The following ABCB9 variants were observed in gnomAD, a reference collection of about 807,000 sequenced individuals.
ABCB9 encodes ABC-type oligopeptide transporter ABCB9.
ABCB9 carries 36 observed loss-of-function variants against 62.0 expected under a neutral mutation model. That is an observed-to-expected ratio of 0.58 (90% CI 0.45 to 0.77). The LOEUF is 0.77. ABCB9 is among the 30% of genes least tolerant of loss of function. The probability of loss-of-function intolerance (pLI) is 0.00; values close to 1 mark genes in which losing one functional copy is unlikely to be tolerated. For synonymous variants in ABCB9, 435 were observed against 461.4 expected, an observed-to-expected ratio of 0.94 and a Z score of 0.73; for missense variants, 943 against 1,054.7, an observed-to-expected ratio of 0.89 and a Z score of 1.47.
At position 122,959,407 on chromosome 12, in the gene ABCB9, C is replaced by T. The variant is rs2036771521; in HGVS notation, c.601+228G>A. ...AATAAATAAAATAGAAATGGGTTCT[C>T]GCTATGTTGCCCAGGCTGGTTTTCA... is the stretch of plus-strand genomic sequence containing the variant. On this transcript the variant is annotated intron_variant, in intron 2 of 11. Coordinates refer to ENST00000280560, the MANE Select transcript of ABCB9 (RefSeq NM_019625.4). This position sits in a 1 kb window ranked among gnomAD's most constrained non-coding sequence, Gnocchi z 5.4. Among the ~76,000 whole-genome samples, 1 of 151,514 alleles carries T rather than the reference C, an allele frequency of 6.6e-6. No individual in the cohort carries two copies. The highest frequency in any genetic ancestry group is 1.5e-5 in the Non-Finnish European group (1 of 67,852).
chr12:122,967,260 AAAAT>A (rs1014460739), upstream of ABCB9, among the ~76,000 whole-genome samples: 17 of 152,324 alleles, frequency 1.1e-4, no homozygotes, highest in African/African-American at 4.1e-4. Context: ...TGGATGCAGT[AAAAT>A]AAATAAAATT....
At chr12:122,943,285 TCTCACTTTCCA>T (rs2035862792) in intron 7 of ABCB9, among the ~76,000 whole-genome samples, 1 of 152,146 alleles carries the variant, frequency 6.6e-6, no homozygotes, top group Non-Finnish European at 1.5e-5. Context: ...TCCTTCCACG[TCTCACTTTCCA>T]CTCCCACCCC....
chr12:122,968,585 G>A (rs2037235688), upstream of ABCB9, among the ~76,000 whole-genome samples: 1 of 150,344 alleles, frequency 6.7e-6, no homozygotes, highest in African/African-American at 2.4e-5. Context: ...CATGGATGTT[G>A]CTTTCCAGCG....
intron 10 of ABCB9, among the ~76,000 whole-genome samples, chr12:122,934,571 G>C (rs2035359580): frequency 6.7e-6 from 1 of 149,802 alleles, no homozygotes; most frequent in Non-Finnish European, 1.5e-5. Flanking sequence ...AGCCCAAGAG[G>C]TTGAGGCTGC....
chr12:122,960,240 C>T lies in ABCB9; in HGVS notation c.-5G>A, dbSNP rs758410760. On this transcript the variant is annotated 5_prime_UTR_variant, in exon 2 of 12. Transcript: ENST00000280560. ...CACCGCCTTCCACAGCCGCATCCTG[C>T]TGGTTGGAGGTGGGCGGGTGCTGAA... 6.2e-7 allele frequency: 1 copy of T among 1,609,218 alleles called. No individual in the cohort carries two copies. Among genetic ancestry groups the T allele is most frequent in the East Asian group, 2.2e-5 (1 of 44,792 alleles).
Position 122,940,987 on chromosome 12 carries a change from G to A in ABCB9, c.1389C>T (p.Gly463=). 6.2e-7 allele frequency: 1 copy of A among 1,603,556 alleles called. No homozygotes were observed. Among genetic ancestry groups the A allele is most frequent in the African/African-American group, 1.3e-5 (1 of 74,870 alleles). ...FVLGDCMESV[G]SVYSGLMQGV... The stretch of plus-strand genomic sequence containing the variant: ...CCTGCATCAGGCCACTGTAGACGGA[G>A]CCCACGGACTGGGGAGAGGAGACAC... The change falls in exon 8 of 12, where the codon GGC becomes GGT. Residue 463 remains glycine (G), a synonymous_variant. Transcript: ENST00000280560. The surrounding 1 kb of genome is among the most constrained non-coding windows in gnomAD (Gnocchi z 4.8).
At chr12:122,965,511 T>C (rs75389867) in intron 1 of ABCB9, among the ~76,000 whole-genome samples, 6,887 of 152,244 alleles carry the variant, frequency 0.045, 510 homozygotes, top group African/African-American at 0.15. Flanking sequence ...GCTGAGCCTC[T>C]GGCAGCCCAC....
rs2035734838 is a variant in ABCB9 at position 122,940,998 on chromosome 12, G to A, written c.1381-3C>T. 6.3e-7 allele frequency: 1 copy of A among 1,588,698 alleles called. No homozygotes were observed. On this transcript the variant is annotated splice_polypyrimidine_tract_variant and splice_region_variant and intron_variant, in intron 7 of 11. Coordinates refer to ENST00000280560, the MANE Select transcript of ABCB9 (RefSeq NM_019625.4). This position sits in a 1 kb window ranked among gnomAD's most constrained non-coding sequence, Gnocchi z 4.8. ...CCACTGTAGACGGAGCCCACGGACTGGGGAGAGGAGACACGCGTTCCTGTC... is the reference window on the plus strand; with the variant it reads ...CCACTGTAGACGGAGCCCACGGACTAGGGAGAGGAGACACGCGTTCCTGTC...
chr12:122,959,928 A>G lies in ABCB9; in HGVS notation c.308T>C (p.Leu103Pro). The change falls in exon 2 of 12, where the codon CTC (leucine) becomes CCC (proline). Residue 103 changes from leucine to proline, a missense_variant. Leu to Pro is a moderately conservative substitution (Grantham distance 98). Transcript: ENST00000280560. The surrounding 1 kb of genome is among the most constrained non-coding windows in gnomAD (Gnocchi z 5.4). ...VGIYAMVKLL[L>P]FSEVRRPIRD... ...GATGGGCCTGCGCACCTCTGAGAAG[A>G]GCAGCAGCTTCACCATGGCATAGAT... 1 of 1,613,386 alleles carries G rather than the reference A, an allele frequency of 6.2e-7. No individual in the cohort carries two copies. Among genetic ancestry groups the G allele is most frequent in the Non-Finnish European group, 8.5e-7 (1 of 1,179,940 alleles).
At chr12:122,941,144 A>G (rs1222553180) in intron 7 of ABCB9, 149 bp from the exon 8 acceptor site, 1 of 770,834 alleles carries the variant, frequency 1.3e-6, no homozygotes, top group Non-Finnish European at 2.0e-6. Flanking sequence ...GGTGCATTAG[A>G]TAACGACAGT....
Position 122,947,846 on chromosome 12 carries a change from C to G in ABCB9, c.1053+778G>C, listed in dbSNP as rs1246324376. Reference sequence around the variant, plus strand: ...CCAGGGCCTTTTCACTGGCTGTGCCCTCTGCTCAGCACATACCTCCCAAGA... The same window carrying G: ...CCAGGGCCTTTTCACTGGCTGTGCCGTCTGCTCAGCACATACCTCCCAAGA... On this transcript the variant is annotated intron_variant, in intron 5 of 11. Transcript: ENST00000280560. The surrounding 1 kb of genome is among the most constrained non-coding windows in gnomAD (Gnocchi z 6.0). 2 of 163,056 alleles carry G rather than the reference C, an allele frequency of 1.2e-5. No homozygotes were observed. Among genetic ancestry groups the G allele is most frequent in the African/African-American group, 2.4e-5 (1 of 42,234 alleles). 10.1% of individuals were successfully genotyped at this position (163,056 alleles called of 1,614,324 possible). A position where few individuals can be genotyped will look rare whatever the true frequency, so the allele number is the denominator to read the frequency against.
chr12:122,923,673 A>G (rs1044971808), intron 11 of ABCB9, among the ~76,000 whole-genome samples: 11 of 152,194 alleles, frequency 7.2e-5, no homozygotes, highest in African/African-American at 2.7e-4. Context: ...GCCCCCTGAC[A>G]GAGGAATTGT....
intron 6 of ABCB9, among the ~76,000 whole-genome samples, chr12:122,945,195 T>C (rs2135830398): frequency 6.6e-6 from 1 of 152,262 alleles, no homozygotes; most frequent in East Asian, 1.9e-4. Flanking sequence ...TGGCTGATAC[T>C]TTTGGGAGGT....
chr12:122,935,601 C>T (rs571037447), intron 9 of ABCB9, among the ~76,000 whole-genome samples, 170 bp from the exon 10 acceptor site: 56 of 152,272 alleles, frequency 3.7e-4, no homozygotes, highest in African/African-American at 1.2e-3. Flanking sequence ...CAGTGACTCC[C>T]GCCTGTACCC....
rs368092314 is a variant in ABCB9 at position 122,940,797 on chromosome 12, G to A, written c.1569+10C>T. On this transcript the variant is annotated intron_variant, in intron 8 of 11. Coordinates refer to ENST00000280560, the MANE Select transcript of ABCB9 (RefSeq NM_019625.4). This position sits in a 1 kb window ranked among gnomAD's most constrained non-coding sequence, Gnocchi z 4.8. ...GGCTGATTCTGGCAGGCCTCAAGCC[G>A]CGCCCTCACCTGCAGGACCTGGGTG... is the stretch of plus-strand genomic sequence containing the variant. The A allele has an allele frequency of 4.5e-5, 70 of 1,567,884 alleles. No individual in the cohort carries two copies. Among genetic ancestry groups the A allele is most frequent in the South Asian group, 1.4e-4 (12 of 85,604 alleles).
chr12:122,968,563 G>A (rs2037235441), upstream of ABCB9, among the ~76,000 whole-genome samples: 1 of 151,242 alleles, frequency 6.6e-6, no homozygotes, highest in Non-Finnish European at 1.5e-5. Flanking sequence ...CTCATCACAT[G>A]CTATTTCTTC....
chr12:122,935,670 G>A (rs900817422), intron 9 of ABCB9, among the ~76,000 whole-genome samples: 4 of 152,168 alleles, frequency 2.6e-5, no homozygotes, highest in African/African-American at 4.8e-5. Flanking sequence ...GCTGCTCTGG[G>A]ATAAGCCAAG....
At position 122,940,767 on chromosome 12, in the gene ABCB9, G is replaced by A. The variant is rs756841002; in HGVS notation, c.1569+40C>T. 3.0e-5 allele frequency: 46 copies of A among 1,522,872 alleles called. No individual in the cohort carries two copies. The highest frequency in any genetic ancestry group is 3.5e-5 in the Non-Finnish European group (40 of 1,126,812). 94.3% of individuals were successfully genotyped at this position (1,522,872 alleles called of 1,614,324 possible). Reference sequence around the variant, plus strand: ...GGAGGTGCACCAGAAATGGGGTGACGGAAAGGCTGATTCTGGCAGGCCTCA... The same window carrying A: ...GGAGGTGCACCAGAAATGGGGTGACAGAAAGGCTGATTCTGGCAGGCCTCA... On this transcript the variant is annotated intron_variant, in intron 8 of 11. Coordinates refer to ENST00000280560, the MANE Select transcript of ABCB9 (RefSeq NM_019625.4). This position sits in a 1 kb window ranked among gnomAD's most constrained non-coding sequence, Gnocchi z 4.8.
chr12:122,973,609 A>AAAC (rs762311490), intron 1 of ABCB9, among the ~76,000 whole-genome samples: 1 of 88,802 alleles, frequency 1.1e-5, no homozygotes, highest in Non-Finnish European at 2.3e-5. Context: ...AAAAAAAAAA[A>AAAC]CAAAAACTTT....
Sources: gnomAD v4.1 joint callset for allele counts (sites outside exome capture counted in the v4.1 genomes callset) on GRCh38, gnomAD v4.1.1 for gene constraint, Gnocchi (gnomAD v3.1) non-coding constraint, MANE v1.5 for transcripts, NCBI Gene and HGNC (gene_info 2026-07-23, HGNC 2026-07-21) for gene names.